The following HMCES variants were observed in gnomAD, a reference collection of about 807,000 sequenced individuals.
The protein encoded by HMCES is 5-hydroxymethylcytosine binding, ES cell specific, also known as abasic site processing protein HMCES.
HMCES carries 27 observed loss-of-function variants against 35.1 expected under a neutral mutation model. That is an observed-to-expected ratio of 0.77 (90% confidence interval 0.57 to 1.06). The LOEUF is 1.06. HMCES is among the 50% of genes least tolerant of loss of function. The pLI, the probability that HMCES is intolerant of heterozygous loss-of-function variation, is 0.00. For missense variants in HMCES, 391 were observed against 430.4 expected (o/e 0.91, Z 0.81); for synonymous variants, 130 against 154.7 (o/e 0.84, Z 1.18).
rs559766755 is a variant in HMCES, at chr3:129,284,918, AAG to A, written c.184-3932_184-3931del. Among the ~76,000 whole-genome samples, 20 of 152,334 alleles carry A rather than the reference AAG, an allele frequency of 1.3e-4. No homozygotes were observed. The East Asian group carries it at 2.9e-3, about 22-fold the overall frequency. On this transcript the variant is annotated intron_variant, in intron 2 of 6. Transcript: ENST00000383463. ...CAGAGCGAGACTCCATCTCAAGAAA[AAG>A]AGAATTAATGGATACAGCAGGCAGG...
chr3:129,279,802 C>G lies in HMCES; in HGVS notation c.70C>G (p.Arg24Gly). Residue 24 changes from arginine to glycine, a missense_variant, in exon 2 of 7, where the codon CGG becomes GGG. Transcript: ENST00000383463. This position sits in a 1 kb window ranked among gnomAD's most constrained non-coding sequence, Gnocchi z 4.2. ...GAGAGCTTGCGCCTACCAGGATCGG[C>G]GGGGCCAGCAGCGGCTCCCGGAGTG... ...LTRACAYQDR[R>G]GQQRLPEWRD... is the part of the protein sequence containing the mutation. 1.2e-6 allele frequency: 2 copies of G among 1,613,468 alleles called. No homozygotes were observed. The highest frequency in any genetic ancestry group is 1.7e-6 in the Non-Finnish European group (2 of 1,179,790).
At chr3:129,285,186 A>G (rs1163722700) in intron 2 of HMCES, among the ~76,000 whole-genome samples, 13 of 152,146 alleles carry the variant, frequency 8.5e-5, no homozygotes, top group Admixed American at 7.9e-4. Flanking sequence ...AATCCTGTAC[A>G]TGATATACTC....
intron 2 of HMCES, among the ~76,000 whole-genome samples, chr3:129,285,832 C>T (rs1940624903): frequency 6.6e-6 from 1 of 151,814 alleles, no homozygotes. Context: ...CGAGCTCAAG[C>T]AATTCTCATG....
rs1940375034 is a variant in HMCES at position 129,279,124 on chromosome 3, G to A, written c.-24+219G>A. ...GGGGAGGGGCGAGGGATCGCGGCCGGTGGCTGGGGGCCACCTGCTCCCCGA... is the reference window on the plus strand; with the variant it reads ...GGGGAGGGGCGAGGGATCGCGGCCGATGGCTGGGGGCCACCTGCTCCCCGA... On this transcript the variant is annotated intron_variant, in intron 1 of 6. Transcript: ENST00000383463. The surrounding 1 kb of genome is among the most constrained non-coding windows in gnomAD (Gnocchi z 4.2). 1 of 152,288 alleles carries A rather than the reference G, an allele frequency of 6.6e-6. No individual in the cohort carries two copies. The highest frequency in any genetic ancestry group is 1.5e-5 in the Non-Finnish European group (1 of 68,114). 9.4% of individuals were successfully genotyped at this position (152,288 alleles called of 1,614,324 possible).
intron 4 of HMCES, among the ~76,000 whole-genome samples, chr3:129,293,606 T>C (rs933348503): frequency 2.0e-5 from 3 of 148,694 alleles, no homozygotes; most frequent in African/African-American, 7.5e-5. Context: ...GTTTCACTCT[T>C]GTTGCCCAGG....
chr3:129,292,884 G>A (rs1016022815), intron 4 of HMCES, among the ~76,000 whole-genome samples: 3 of 152,146 alleles, frequency 2.0e-5, no homozygotes, highest in African/African-American at 7.2e-5. Context: ...TTAAAAAAAT[G>A]TTTAGGGAGT....
chr3:129,304,994 G>A lies in HMCES; in HGVS notation c.*169G>A. On this transcript the variant is annotated 3_prime_UTR_variant, in exon 7 of 7. Coordinates refer to ENST00000383463, the MANE Select transcript of HMCES (RefSeq NM_020187.3). ...GCCATGAGTAGGAGCCCCTAGTGGG[G>A]CTGGTGGACAGCTTTGGAAGAGGTG... The A allele has an allele frequency of 1.6e-6, 1 of 615,510 alleles. No homozygotes were observed. Among genetic ancestry groups the A allele is most frequent in the South Asian group, 2.0e-5 (1 of 50,272 alleles). The allele number at this position is 615,510 out of a possible 1,614,324, so 38.1% of individuals were successfully genotyped here.
At chr3:129,284,162 A>C (rs1046363823) in intron 2 of HMCES, among the ~76,000 whole-genome samples, 2 of 152,240 alleles carry the variant, frequency 1.3e-5, no homozygotes, top group Non-Finnish European at 2.9e-5. Flanking sequence ...TGATCGAGGC[A>C]GAGCTCTGCC....
chr3:129,280,064 C>A, intron 2 of HMCES, 149 bp downstream of exon 2: 1 of 622,848 alleles, frequency 1.6e-6, no homozygotes, highest in Non-Finnish European at 2.6e-6. Flanking sequence ...CCTCTCTTGG[C>A]CTCATGAAAG....
At chr3:129,295,451 AAAAC>A (rs1264538042) in intron 4 of HMCES, among the ~76,000 whole-genome samples, 2 of 151,858 alleles carry the variant, frequency 1.3e-5, no homozygotes, top group African/African-American at 2.4e-5. Context: ...AAAAACAAAA[AAAAC>A]CCCACAAAAT....
At chr3:129,285,111 C>T (rs60858296) in intron 2 of HMCES, among the ~76,000 whole-genome samples, 16,273 of 152,080 alleles carry the variant, frequency 0.11, 2,463 homozygotes, top group African/African-American at 0.34. Flanking sequence ...GTAGGTACTT[C>T]TACTTGGAAC....
chr3:129,305,830 C>T lies in HMCES; in HGVS notation c.*1005C>T, dbSNP rs911384704. ...GGAATTTCCACCAATCAGCGGGAAGCCTCGGCCCTGTAACTGCTAATGGGA... is the reference window on the plus strand; with the variant it reads ...GGAATTTCCACCAATCAGCGGGAAGTCTCGGCCCTGTAACTGCTAATGGGA... On this transcript the variant is annotated 3_prime_UTR_variant, in exon 7 of 7. Coordinates refer to ENST00000383463, the MANE Select transcript of HMCES (RefSeq NM_020187.3). 1.3e-5 allele frequency: 2 copies of T among 152,312 alleles called. No individual in the cohort carries two copies. The highest frequency in any genetic ancestry group is 2.4e-5 in the African/African-American group (1 of 41,466). 9.4% of individuals were successfully genotyped at this position (152,312 alleles called of 1,614,324 possible). A position where few individuals can be genotyped will look rare whatever the true frequency, so the allele number is the denominator to read the frequency against.
chr3:129,290,885 C>T lies in HMCES; in HGVS notation c.453+81C>T, dbSNP rs1438386877. On this transcript the variant is annotated intron_variant, in intron 4 of 6. Coordinates refer to ENST00000383463, the MANE Select transcript of HMCES (RefSeq NM_020187.3). ...ATCCAAAGGACATTTTTTTCTTCCC[C>T]ATAGTTTTATTTATTTATTTTAAAA... is the stretch of plus-strand genomic sequence containing the variant. The T allele has an allele frequency of 2.2e-6, 3 of 1,360,274 alleles. No homozygotes were observed. The East Asian group carries it at 7.5e-5, about 34-fold the overall frequency. The allele number at this position is 1,360,274 out of a possible 1,614,324, so 84.3% of individuals were successfully genotyped here.
chr3:129,288,131 T>C (rs1246390913), intron 2 of HMCES, among the ~76,000 whole-genome samples: 1 of 151,914 alleles, frequency 6.6e-6, no homozygotes, highest in Non-Finnish European at 1.5e-5. Context: ...CAAAATTAGC[T>C]GGACATGATG....
chr3:129,292,764 G>A lies in HMCES; in HGVS notation c.453+1960G>A, dbSNP rs541041517. Among the ~76,000 whole-genome samples the A allele has an allele frequency of 7.9e-5, 12 of 152,188 alleles. No individual in the cohort carries two copies. In the East Asian group the frequency reaches 2.1e-3, roughly 27 times the overall value. On this transcript the variant is annotated intron_variant, in intron 4 of 6. Coordinates refer to ENST00000383463, the MANE Select transcript of HMCES (RefSeq NM_020187.3). ...CTCCCAAAGTGCTGGGATTACAGGCGTGAGCCACTGCGCCTGGCCGAGAAA... is the reference window on the plus strand; with the variant it reads ...CTCCCAAAGTGCTGGGATTACAGGCATGAGCCACTGCGCCTGGCCGAGAAA...
rs980043015 is a variant in HMCES at position 129,305,944 on chromosome 3, T to G, written c.*1119T>G. ...CTCCCGCCCAGACCCTTTCCCGAGG[T>G]CCGCCCTCTCCGCCTTTTCTCTAAA... On this transcript the variant is annotated 3_prime_UTR_variant, in exon 7 of 7. Transcript: ENST00000383463. 6.6e-6 allele frequency: 1 copy of G among 152,228 alleles called. No individual in the cohort carries two copies. Among genetic ancestry groups the G allele is most frequent in the Non-Finnish European group, 1.5e-5 (1 of 68,068 alleles). The allele number at this position is 152,228 out of a possible 1,614,324, so 9.4% of individuals were successfully genotyped here.
At chr3:129,300,761 T>TGGC (rs2071153003) in intron 5 of HMCES, among the ~76,000 whole-genome samples, 2 of 151,998 alleles carry the variant, frequency 1.3e-5, no homozygotes, top group Admixed American at 1.3e-4. Context: ...CCAGGCGCGG[T>TGGC]GGCTCACACC....
chr3:129,302,146 G>A lies in HMCES; in HGVS notation c.828+4G>A, dbSNP rs761196025. The stretch of plus-strand genomic sequence containing the variant: ...TGTCGACTTGGTGGTCAAAAAGGTA[G>A]GGGCCTGTGACTGGTACAGTCCTTT... On this transcript the variant is annotated splice_donor_region_variant and intron_variant, in intron 6 of 6. Transcript: ENST00000383463. 30 of 1,609,894 alleles carry A rather than the reference G, an allele frequency of 1.9e-5. No homozygotes were observed. The highest frequency in any genetic ancestry group is 3.3e-4 in the Middle Eastern group (2 of 6,036).
chr3:129,291,941 A>G (rs1474579170), intron 4 of HMCES, among the ~76,000 whole-genome samples: 1 of 152,014 alleles, frequency 6.6e-6, no homozygotes, highest in Non-Finnish European at 1.5e-5. Context: ...AAATACAAAA[A>G]ATTAGCTGGG....
Sources: gnomAD v4.1 joint callset for allele counts (sites outside exome capture counted in the v4.1 genomes callset) on GRCh38, gnomAD v4.1.1 for gene constraint, Gnocchi (gnomAD v3.1) non-coding constraint, MANE v1.5 for transcripts, NCBI Gene and HGNC (gene_info 2026-07-23, HGNC 2026-07-21) for gene names.